RABGAP1L: variants seen among roughly 807,000 people sequenced by gnomAD.
RABGAP1L encodes rab GTPase-activating protein 1-like.
In RABGAP1L, 63 loss-of-function variants were observed where a neutral mutation model predicts 137.7. The observed-to-expected ratio is 0.46, with a 90% confidence interval of 0.37 to 0.56. RABGAP1L has a LOEUF of 0.56. Among genes scored for constraint, RABGAP1L ranks in the 20% least tolerant of loss-of-function variants. The pLI is 0.00. For missense variants in RABGAP1L, 1,095 were observed against 1,244.0 expected, an observed-to-expected ratio of 0.88 and a Z score of 1.80; for synonymous variants, 431 against 433.7, an observed-to-expected ratio of 0.99 and a Z score of 0.08.
intron 13 of RABGAP1L, among the ~76,000 whole-genome samples, chr1:174,632,387 C>T (rs982482346): frequency 4.1e-5 from 6 of 147,342 alleles, no homozygotes; most frequent in South Asian, 2.1e-4. Context: ...TTGCTCTTCT[C>T]GAGGAGTATC....
In RABGAP1L at chr1:174,992,570, A is replaced by G. The variant is rs1426041527; in HGVS notation, c.*2569A>G. The G allele has an allele frequency of 6.6e-6, 1 of 151,628 alleles. No homozygotes were observed. The highest frequency in any genetic ancestry group is 1.5e-5 in the Non-Finnish European group (1 of 67,980). 9.4% of individuals were successfully genotyped at this position (151,628 alleles called of 1,614,324 possible). A position where few individuals can be genotyped will look rare whatever the true frequency, so the allele number is the denominator to read the frequency against. On this transcript the variant is annotated 3_prime_UTR_variant, in exon 26 of 26. Transcript: ENST00000681986. Reference sequence around the variant, plus strand: ...TTTTTTTATTCTCCAGCCCCATATCATACTTGGGTATGCCTGTTGGTACCA... The same window carrying G: ...TTTTTTTATTCTCCAGCCCCATATCGTACTTGGGTATGCCTGTTGGTACCA...
At chr1:174,717,004 A>T (rs1681075134) in intron 17 of RABGAP1L, among the ~76,000 whole-genome samples, 1 of 152,326 alleles carries the variant, frequency 6.6e-6, no homozygotes, top group African/African-American at 2.4e-5. Context: ...GCAGGCAAGA[A>T]TCCATTTTAT....
At chr1:174,733,854 G>A (rs945632568) in intron 17 of RABGAP1L, among the ~76,000 whole-genome samples, 4 of 152,194 alleles carry the variant, frequency 2.6e-5, no homozygotes, top group Non-Finnish European at 5.9e-5. Flanking sequence ...TCAAGAGCAG[G>A]AGTGAGGAGA....
chr1:174,922,404 T>C (rs1272530226), intron 19 of RABGAP1L: 1 of 180,588 alleles, frequency 5.5e-6, no homozygotes, highest in African/African-American at 2.3e-5. Flanking sequence ...CTGCAGCTCT[T>C]TTTGGCATGA....
intron 13 of RABGAP1L, among the ~76,000 whole-genome samples, chr1:174,596,792 C>G (rs1163366041): frequency 6.6e-6 from 1 of 152,104 alleles, no homozygotes; most frequent in Non-Finnish European, 1.5e-5. Context: ...TTGTCTTGTT[C>G]CAGATCTTGG....
chr1:174,449,135 G>A, intron 13 of RABGAP1L: 1 of 1,612,540 alleles, frequency 6.2e-7, no homozygotes, highest in Non-Finnish European at 8.5e-7. Context: ...CTGTATGTGT[G>A]TGAAGGATCA....
intron 13 of RABGAP1L, among the ~76,000 whole-genome samples, chr1:174,603,259 A>G (rs1213360569): frequency 6.6e-6 from 1 of 152,138 alleles, no homozygotes; most frequent in Non-Finnish European, 1.5e-5. Flanking sequence ...ATTTTCTGGA[A>G]CAAGAGGCAA....
At chr1:174,182,708 C>G (rs963458425) in intron 1 of RABGAP1L, among the ~76,000 whole-genome samples, 1 of 152,164 alleles carries the variant, frequency 6.6e-6, no homozygotes, top group Non-Finnish European at 1.5e-5. Flanking sequence ...CCTCTCTCCC[C>G]ACTTGAGTGA....
Position 174,978,906 on chromosome 1 carries a change from G to T in RABGAP1L, c.2733+16G>T. ...GTATAAACAGGTAATGTACTTCTGT[G>T]GCACATAGAGCTAGTTATAGTTTGC... is the stretch of plus-strand genomic sequence containing the variant. On this transcript the variant is annotated intron_variant, in intron 23 of 25. Coordinates refer to ENST00000681986, the MANE Select transcript of RABGAP1L (RefSeq NM_001366446.1). 1 of 1,490,942 alleles carries T rather than the reference G, an allele frequency of 6.7e-7. No individual in the cohort carries two copies. The highest frequency in any genetic ancestry group is 1.4e-5 in the South Asian group (1 of 73,718). 92.4% of individuals were successfully genotyped at this position (1,490,942 alleles called of 1,614,324 possible).
At chr1:174,656,581 C>T (rs573390896) in intron 14 of RABGAP1L, among the ~76,000 whole-genome samples, 1 of 152,152 alleles carries the variant, frequency 6.6e-6, no homozygotes, top group Non-Finnish European at 1.5e-5. Context: ...AACCTTATAC[C>T]CATTAGAAAT....
intron 13 of RABGAP1L, among the ~76,000 whole-genome samples, chr1:174,562,514 C>T (rs1048004539): frequency 6.6e-6 from 1 of 152,120 alleles, no homozygotes; most frequent in African/African-American, 2.4e-5. Context: ...AGTATATACC[C>T]AAAGGATTAT....
intron 1 of RABGAP1L, among the ~76,000 whole-genome samples, chr1:174,201,773 G>GAGA (rs1331384330): frequency 6.7e-6 from 1 of 149,294 alleles, no homozygotes; most frequent in Non-Finnish European, 1.5e-5. Flanking sequence ...TTAGCATTAG[G>GAGA]TATATCTCCT....
chr1:174,717,388 A>C (rs1681106389), intron 17 of RABGAP1L, among the ~76,000 whole-genome samples: 1 of 152,184 alleles, frequency 6.6e-6, no homozygotes, highest in Non-Finnish European at 1.5e-5. Flanking sequence ...CAGCCTGGGC[A>C]ACAGAACGAG....
At chr1:174,256,665 C>T (rs1673155059) in intron 7 of RABGAP1L, among the ~76,000 whole-genome samples, 1 of 152,146 alleles carries the variant, frequency 6.6e-6, no homozygotes, top group Non-Finnish European at 1.5e-5. Context: ...CCAGTGGTCC[C>T]AGCTACTTGG....
At chr1:174,382,986 G>T (rs1374122066) in intron 12 of RABGAP1L, among the ~76,000 whole-genome samples, 2 of 149,860 alleles carry the variant, frequency 1.3e-5, no homozygotes, top group Admixed American at 1.3e-4. Flanking sequence ...TGTCCTTTCT[G>T]TTTGTTAGTT....
intron 1 of RABGAP1L, among the ~76,000 whole-genome samples, chr1:174,188,660 C>A (rs544279625): frequency 6.6e-6 from 1 of 152,058 alleles, no homozygotes; most frequent in East Asian, 1.9e-4. Context: ...GGTACTTTGC[C>A]GTTAGAACTC....
At chr1:174,288,118 T>C (rs1057002080) in intron 10 of RABGAP1L, among the ~76,000 whole-genome samples, 3 of 152,170 alleles carry the variant, frequency 2.0e-5, no homozygotes, top group African/African-American at 7.2e-5. Flanking sequence ...CTCCCCCATC[T>C]CTCATATTTT....
intron 17 of RABGAP1L, among the ~76,000 whole-genome samples, chr1:174,714,877 A>C (rs1375184755): frequency 1.3e-5 from 2 of 152,200 alleles, no homozygotes; most frequent in East Asian, 3.8e-4. Context: ...ATTTAAGACT[A>C]AAATTCTTAA....
At chr1:174,373,916 G>T (rs1023250394) in intron 12 of RABGAP1L, among the ~76,000 whole-genome samples, 2 of 152,094 alleles carry the variant, frequency 1.3e-5, no homozygotes, top group African/African-American at 4.8e-5. Flanking sequence ...CTACAAAAGG[G>T]TAAAAGCTGG....
Sources: gnomAD v4.1 joint callset for allele counts (sites outside exome capture counted in the v4.1 genomes callset) on GRCh38, gnomAD v4.1.1 for gene constraint, MANE v1.5 for transcripts, NCBI Gene and HGNC (gene_info 2026-07-23, HGNC 2026-07-21) for gene names.